The following DNAH9 variants were observed in gnomAD, a reference collection of about 807,000 sequenced individuals.
DNAH9 encodes the protein dynein axonemal heavy chain 9.
DNAH9 carries 345 observed loss-of-function variants against 471.6 expected under a neutral mutation model. That is an observed-to-expected ratio of 0.73 (90% CI 0.67 to 0.80). DNAH9 has a LOEUF of 0.80. DNAH9 is among the 30% of genes least tolerant of loss of function. DNAH9 has a pLI of 0.00. For missense variants in DNAH9, 5,407 were observed against 5,609.2 expected, an observed-to-expected ratio of 0.96 and a Z score of 1.15; for synonymous variants, 2,093 against 2,123.6, an observed-to-expected ratio of 0.99 and a Z score of 0.40.
chr17:11,965,822 A>G (rs1976661280), intron 68 of DNAH9, among the ~76,000 whole-genome samples: 1 of 152,200 alleles, frequency 6.6e-6, no homozygotes, highest in Non-Finnish European at 1.5e-5. Flanking sequence ...TGAAAAATAT[A>G]ATACCTAAAA....
intron 43 of DNAH9, among the ~76,000 whole-genome samples, chr17:11,799,121 GTCTTT>G (rs1969362270): frequency 6.6e-6 from 1 of 151,998 alleles, no homozygotes; most frequent in African/African-American, 2.4e-5. Flanking sequence ...GGCTCCCATG[GTCTTT>G]TCTTCTAGCC....
At chr17:11,817,848 G>C (rs1597690115) in intron 45 of DNAH9, among the ~76,000 whole-genome samples, 1 of 152,038 alleles carries the variant, frequency 6.6e-6, no homozygotes, top group African/African-American at 2.4e-5. Context: ...GTACAATTAA[G>C]AGAAAACAGT....
intron 50 of DNAH9, among the ~76,000 whole-genome samples, chr17:11,857,696 A>C (rs1204876189): frequency 6.6e-6 from 1 of 152,236 alleles, no homozygotes; most frequent in Non-Finnish European, 1.5e-5. Flanking sequence ...TGTAATCCCC[A>C]GTGCCTGAGA....
intron 67 of DNAH9, among the ~76,000 whole-genome samples, chr17:11,955,680 G>GGAGTCAGGAGAAACCCATGTACAGGTTT (rs1232560015): frequency 1.3e-5 from 2 of 152,138 alleles, no homozygotes; most frequent in African/African-American, 2.4e-5. Flanking sequence ...AGACATAGGT[G>GGAGTCAGGAGAAACCCATGTACAGGTTT]GAGTCAGGAG....
At chr17:11,845,143 TA>T (rs1331953585) in intron 49 of DNAH9, among the ~76,000 whole-genome samples, 1 of 151,082 alleles carries the variant, frequency 6.6e-6, no homozygotes, top group East Asian at 1.9e-4. Flanking sequence ...CTCCCAATGC[TA>T]TTCCTCCCCC....
At position 11,747,538 on chromosome 17, in the gene DNAH9, A is replaced by T; in HGVS notation, c.6400-18A>T. ...AGTCACAGGCTGGTCCCTCTGGCTG[A>T]ATTTCCTGCCTCCTCAGGTGGTCCA... On this transcript the variant is annotated intron_variant, in intron 31 of 68. Transcript: ENST00000262442. 6.2e-7 allele frequency: 1 copy of T among 1,610,622 alleles called. No homozygotes were observed. The highest frequency in any genetic ancestry group is 8.5e-7 in the Non-Finnish European group (1 of 1,178,324).
intron 35 of DNAH9, among the ~76,000 whole-genome samples, chr17:11,761,626 T>C (rs998733415): frequency 6.6e-6 from 1 of 151,946 alleles, no homozygotes; most frequent in Non-Finnish European, 1.5e-5. Context: ...CCTTCTCTGC[T>C]TTGACAAACT....
intron 4 of DNAH9, chr17:11,612,888 T>A (rs756191850): frequency 2.6e-5 from 4 of 152,194 alleles, no homozygotes; most frequent in Non-Finnish European, 4.4e-5. Context: ...GTAAGCCCAC[T>A]ACATAAAACG....
chr17:11,603,888 G>C (rs1441769155), intron 1 of DNAH9, among the ~76,000 whole-genome samples: 1 of 152,154 alleles, frequency 6.6e-6, no homozygotes, highest in African/African-American at 2.4e-5. Context: ...CTTGACCTGA[G>C]AGCAGCGTTT....
At chr17:11,810,625 T>C (rs1245174774) in intron 45 of DNAH9, among the ~76,000 whole-genome samples, 1 of 152,118 alleles carries the variant, frequency 6.6e-6, no homozygotes, top group Non-Finnish European at 1.5e-5. Flanking sequence ...GACCTGATGA[T>C]GGGAAGAAGA....
At chr17:11,762,762 T>TTTTTGTTG (rs1967740395) in intron 35 of DNAH9, among the ~76,000 whole-genome samples, 2 of 93,006 alleles carry the variant, frequency 2.2e-5, no homozygotes, top group African/African-American at 8.1e-5. Flanking sequence ...AGGTGCGTTT[T>TTTTTGTTG]TTTTTTTGTT....
chr17:11,795,991 C>T (rs1169185523), intron 42 of DNAH9, among the ~76,000 whole-genome samples: 1 of 152,224 alleles, frequency 6.6e-6, no homozygotes, highest in Non-Finnish European at 1.5e-5. Context: ...AAAGCTTAAG[C>T]TTCTCTGATT....
At position 11,598,732 on chromosome 17, in the gene DNAH9, C is replaced by A; in HGVS notation, c.234C>A (p.Pro78=). The change falls in exon 1 of 69, where the codon CCC becomes CCA. Residue 78 remains proline, a synonymous_variant. Coordinates refer to ENST00000262442, the MANE Select transcript of DNAH9 (RefSeq NM_001372.4). ...PRPLLVVRPG[P]RGLAIRPGLE... ...CGCTGCTGGTGGTGCGGCCCGGGCC[C>A]AGGGGCCTGGCAATACGCCCCGGGC... 1 of 1,399,338 alleles carries A rather than the reference C, an allele frequency of 7.1e-7. No homozygotes were observed. Among genetic ancestry groups the A allele is most frequent in the Non-Finnish European group, 9.2e-7 (1 of 1,084,464 alleles). The allele number at this position is 1,399,338 out of a possible 1,614,324, so 86.7% of individuals were successfully genotyped here.
chr17:11,627,721 C>T (rs2072994759), intron 6 of DNAH9, among the ~76,000 whole-genome samples: 2 of 152,176 alleles, frequency 1.3e-5, no homozygotes, highest in South Asian at 4.1e-4. Flanking sequence ...TGTCTTCCCT[C>T]TTCTCTCCCC....
intron 56 of DNAH9, chr17:11,884,656 A>G (rs568726020): frequency 8.0e-5 from 35 of 439,468 alleles, no homozygotes; most frequent in African/African-American, 6.8e-4. Flanking sequence ...GGTGAGGGAC[A>G]GTTGAGGTTG....
At chr17:11,761,509 G>T (rs1420501971) in intron 35 of DNAH9, among the ~76,000 whole-genome samples, 2 of 152,152 alleles carry the variant, frequency 1.3e-5, no homozygotes, top group South Asian at 2.1e-4. Context: ...AGCTGGTCAG[G>T]TCCCGCTCCC....
At position 11,763,752 on chromosome 17, in the gene DNAH9, T is replaced by G; in HGVS notation, c.7170+138T>G. 3.7e-6 allele frequency: 3 copies of G among 814,294 alleles called. No individual in the cohort carries two copies. The South Asian group carries it at 5.2e-5, about 14-fold the overall frequency. The allele number at this position is 814,294 out of a possible 1,614,324, so 50.4% of individuals were successfully genotyped here. On this transcript the variant is annotated intron_variant, in intron 36 of 68. Coordinates refer to ENST00000262442, the MANE Select transcript of DNAH9 (RefSeq NM_001372.4). The stretch of plus-strand genomic sequence containing the variant: ...GCAGCAAACTATTTAGTCATCTACC[T>G]ATTACTCTGCTAAAGACATCAGTTG...
intron 28 of DNAH9, among the ~76,000 whole-genome samples, chr17:11,735,473 T>C (rs2075331178): frequency 1.3e-5 from 2 of 152,156 alleles, no homozygotes; most frequent in South Asian, 4.1e-4. Context: ...TCTCACTCTG[T>C]CACGCAGGCT....
At chr17:11,775,595 C>CTTTTTTTTTT (rs71142246) in intron 38 of DNAH9, among the ~76,000 whole-genome samples, 1 of 61,014 alleles carries the variant, frequency 1.6e-5, no homozygotes, top group African/African-American at 7.6e-5. Flanking sequence ...ATCAGATGTT[C>CTTTTTTTTTT]TTTTTTTTTT....
Sources: allele counts gnomAD v4.1 joint callset (sites outside exome capture counted in the v4.1 genomes callset), GRCh38; gene constraint gnomAD v4.1.1; transcripts MANE v1.5; gene names NCBI Gene and HGNC (gene_info 2026-07-23, HGNC 2026-07-21).